Variants in RGL1 observed in about 807,000 individuals in gnomAD.
The protein encoded by RGL1 is ral guanine nucleotide dissociation stimulator-like 1.
Under a neutral mutation model 95.2 loss-of-function variants are expected in RGL1, and 24 were observed. The ratio of observed to expected loss-of-function variants is 0.25; its 90% confidence interval spans 0.18 to 0.35. RGL1 has a LOEUF of 0.35. RGL1 is among the 10% of genes least tolerant of loss of function. RGL1 has a pLI of 1.00. For missense variants in RGL1, 715 were observed against 936.3 expected (o/e 0.76, Z 3.08); for synonymous variants, 329 against 344.9 (o/e 0.95, Z 0.51).
intron 2 of RGL1, among the ~76,000 whole-genome samples, chr1:183,770,124 A>G (rs1023295343): frequency 2.6e-5 from 4 of 152,222 alleles, no homozygotes; most frequent in Non-Finnish European, 5.9e-5. Context: ...GAAACAGTCC[A>G]GGTGCTTTTC....
At chr1:183,876,119 C>T (rs1192961217) in intron 4 of RGL1, among the ~76,000 whole-genome samples, 4 of 152,160 alleles carry the variant, frequency 2.6e-5, no homozygotes, top group Non-Finnish European at 5.9e-5. Context: ...AGGTCAGCTC[C>T]CTCTGAAGTT....
chr1:183,704,591 T>C (rs1295180476), intron 1 of RGL1, among the ~76,000 whole-genome samples: 1 of 152,124 alleles, frequency 6.6e-6, no homozygotes, highest in East Asian at 1.9e-4. Context: ...GGAAAATGTA[T>C]AAGAAATGTT....
At chr1:183,640,167 A>C (rs1428916811) in intron 1 of RGL1, among the ~76,000 whole-genome samples, 1 of 152,162 alleles carries the variant, frequency 6.6e-6, no homozygotes, top group South Asian at 2.1e-4. Flanking sequence ...CAAAAGGAGA[A>C]GTTCACATAA....
chr1:183,699,212 A>G lies in RGL1; in HGVS notation c.-32-42914A>G, dbSNP rs189128300. ...GGTTCACCCAGTGTGTTTCCTTCAC[A>G]TGTGTTGATGTAACTTACCCTGAAC... is the stretch of plus-strand genomic sequence containing the variant. On this transcript the variant is annotated intron_variant, in intron 1 of 18. Transcript: ENST00000304685. 3.9e-5 allele frequency among the ~76,000 whole-genome samples: 6 copies of G among 152,330 alleles called. No individual in the cohort carries two copies. In the East Asian group the frequency reaches 1.2e-3, roughly 29 times the overall value.
intron 3 of RGL1, among the ~76,000 whole-genome samples, chr1:183,853,498 C>T (rs988598457): frequency 6.6e-6 from 1 of 152,144 alleles, no homozygotes. Flanking sequence ...GGAGGACATT[C>T]GGGGTTTTTA....
At chr1:183,857,878 C>T (rs768290211) in intron 3 of RGL1, among the ~76,000 whole-genome samples, 5 of 152,110 alleles carry the variant, frequency 3.3e-5, no homozygotes, top group Admixed American at 6.5e-5. Context: ...GCTTGTGGGA[C>T]GACAGTGATG....
intron 1 of RGL1, among the ~76,000 whole-genome samples, chr1:183,716,628 G>T (rs559707934): frequency 1.3e-5 from 2 of 152,156 alleles, no homozygotes; most frequent in Non-Finnish European, 2.9e-5. Flanking sequence ...GTTTGGGGGC[G>T]GCTGAAAAAT....
chr1:183,902,499 C>G, intron 11 of RGL1, 69 bp from the exon 12 acceptor site: 6 of 1,347,878 alleles, frequency 4.5e-6, no homozygotes, highest in Non-Finnish European at 6.2e-6. Context: ...TTAATGTGAC[C>G]TACGACAACA....
chr1:183,718,965 TAAG>T (rs765354956), intron 1 of RGL1, among the ~76,000 whole-genome samples: 7 of 151,890 alleles, frequency 4.6e-5, no homozygotes, highest in Non-Finnish European at 1.0e-4. Flanking sequence ...AAAAAGCACC[TAAG>T]AAGGAGGAAA....
chr1:183,866,145 T>C, intron 4 of RGL1, 72 bp downstream of exon 4: 1 of 1,259,926 alleles, frequency 7.9e-7, no homozygotes, highest in African/African-American at 1.5e-5. Context: ...AGTAGAGTAT[T>C]TTATTCCTTT....
chr1:183,659,575 G>A (rs61811213), intron 1 of RGL1, among the ~76,000 whole-genome samples: 1,935 of 152,102 alleles, frequency 0.013, 42 homozygotes, highest in African/African-American at 0.045. Context: ...CCAAATCTAC[G>A]TCTGATTGGT....
intron 2 of RGL1, among the ~76,000 whole-genome samples, chr1:183,830,585 A>C (rs1412915244): frequency 6.6e-6 from 1 of 152,184 alleles, no homozygotes; most frequent in Non-Finnish European, 1.5e-5. Context: ...TCTACATCAG[A>C]TAGAACAATA....
At chr1:183,693,219 G>A (rs1229004502) in intron 1 of RGL1, among the ~76,000 whole-genome samples, 2 of 152,138 alleles carry the variant, frequency 1.3e-5, no homozygotes, top group Non-Finnish European at 2.9e-5. Flanking sequence ...CTCCCAAAGT[G>A]CTGGGATTAC....
At chr1:183,676,990 G>T (rs1652868087) in intron 1 of RGL1, among the ~76,000 whole-genome samples, 1 of 151,436 alleles carries the variant, frequency 6.6e-6, no homozygotes, top group African/African-American at 2.4e-5. Flanking sequence ...AGCAATATCA[G>T]CAAATTATTG....
intron 1 of RGL1, among the ~76,000 whole-genome samples, chr1:183,699,567 G>T (rs1004525467): frequency 7.9e-5 from 12 of 151,982 alleles, no homozygotes; most frequent in Admixed American, 7.2e-4. Context: ...TGCAGGTTAG[G>T]CCTAGTCTGG....
chr1:183,810,673 A>G (rs2102426414), intron 2 of RGL1, among the ~76,000 whole-genome samples: 1 of 152,376 alleles, frequency 6.6e-6, no homozygotes, highest in African/African-American at 2.4e-5. Flanking sequence ...CATTTGTCAC[A>G]TCTGGATTGA....
chr1:183,676,517 C>T (rs112144852), intron 1 of RGL1, among the ~76,000 whole-genome samples: 2 of 151,862 alleles, frequency 1.3e-5, no homozygotes, highest in Non-Finnish European at 2.9e-5. Context: ...TTCAATGAAT[C>T]TAGTTTGTAT....
intron 1 of RGL1, among the ~76,000 whole-genome samples, chr1:183,715,051 A>G (rs967494784): frequency 6.6e-6 from 1 of 152,230 alleles, no homozygotes; most frequent in Admixed American, 6.5e-5. Flanking sequence ...TTTAGGAATG[A>G]GGAAACCGGG....
intron 1 of RGL1, among the ~76,000 whole-genome samples, chr1:183,676,357 A>G (rs1481068254): frequency 6.6e-6 from 1 of 151,964 alleles, no homozygotes. Context: ...TGAATAGAAC[A>G]TGTCTCACTT....
Sources: gnomAD v4.1 joint callset for allele counts (sites outside exome capture counted in the v4.1 genomes callset) on GRCh38, gnomAD v4.1.1 for gene constraint, MANE v1.5 for transcripts, NCBI Gene and HGNC (gene_info 2026-07-23, HGNC 2026-07-21) for gene names.